The following CIITA variants were observed in gnomAD, a reference collection of about 807,000 sequenced individuals.
The protein encoded by CIITA is MHC class II transactivator.
CIITA carries 72 observed loss-of-function variants against 115.1 expected under a neutral mutation model. The ratio of observed to expected loss-of-function variants is 0.63; its 90% confidence interval spans 0.52 to 0.76. The LOEUF is 0.76. CIITA is among the 30% of genes least tolerant of loss of function. CIITA has a pLI of 0.00. For synonymous variants in CIITA, 763 were observed against 635.6 expected, an observed-to-expected ratio of 1.20 and a Z score of -3.02; for missense variants, 1,617 against 1,463.8, an observed-to-expected ratio of 1.10 and a Z score of -1.71.
At position 10,923,640 on chromosome 16, in the gene CIITA, T is replaced by C. The variant is rs1288627272; in HGVS notation, c.*23-238T>C. On this transcript the variant is annotated intron_variant, in intron 19 of 19. Transcript: ENST00000324288. This position sits in a 1 kb window ranked among gnomAD's most constrained non-coding sequence, Gnocchi z 5.2. The stretch of plus-strand genomic sequence containing the variant: ...AAGCCTTCCCAGCTGCTGTTTCGGC[T>C]TGGTGGCTGCCCTGATGCTCCGGGT... Among the ~76,000 whole-genome samples, 1 of 152,164 alleles carries C rather than the reference T, an allele frequency of 6.6e-6. No homozygotes were observed. The highest frequency in any genetic ancestry group is 2.4e-5 in the African/African-American group (1 of 41,418).
chr16:10,912,312 C>A (rs748721588), intron 13 of CIITA, among the ~76,000 whole-genome samples: 3 of 152,130 alleles, frequency 2.0e-5, no homozygotes, highest in African/African-American at 4.8e-5. Flanking sequence ...CGGGCTTTAA[C>A]CATGTTGGCC....
chr16:10,922,036 G>A, intron 16 of CIITA, 131 bp from the exon 17 acceptor site: 1 of 811,686 alleles, frequency 1.2e-6, no homozygotes, highest in Non-Finnish European at 2.2e-6. Context: ...GCTCTGTTGT[G>A]CAATAAATAT....
intron 7 of CIITA, 114 bp from the exon 8 acceptor site, chr16:10,902,544 C>T: frequency 1.5e-6 from 2 of 1,344,930 alleles, no homozygotes; most frequent in Non-Finnish European, 2.1e-6. Context: ...AGCTACTGCT[C>T]TTAGGGAAAT....
chr16:10,904,010 T>A, intron 9 of CIITA, 115 bp downstream of exon 9: 1 of 1,405,336 alleles, frequency 7.1e-7, no homozygotes, highest in African/African-American at 1.4e-5. Flanking sequence ...ACAGGTCATG[T>A]TTAGGGGTCA....
chr16:10,902,226 G>C, intron 7 of CIITA, 42 bp downstream of exon 7: 4 of 1,612,700 alleles, frequency 2.5e-6, no homozygotes, highest in Non-Finnish European at 3.4e-6. Flanking sequence ...TCTCCCTCTT[G>C]GGAGGTGGAT....
At chr16:10,873,478 G>A (rs1333213587), upstream of CIITA, among the ~76,000 whole-genome samples, 11 of 152,200 alleles carry the variant, frequency 7.2e-5, no homozygotes, top group African/African-American at 9.7e-5. Flanking sequence ...AGCTGGAAGC[G>A]CGATGAAGGT....
In CIITA at chr16:10,920,735, T is replaced by C. The variant is rs182656046; in HGVS notation, c.3150-1432T>C. On this transcript the variant is annotated intron_variant, in intron 16 of 19. Transcript: ENST00000324288. The surrounding 1 kb of genome is among the most constrained non-coding windows in gnomAD (Gnocchi z 4.5). ...TGAAATATGGTCAGATTACTCTCCC[T>C]GTGGGGTGGAGGAAGGGTCTCCAGG... is the stretch of plus-strand genomic sequence containing the variant. 5.6e-4 allele frequency among the ~76,000 whole-genome samples: 85 copies of C among 152,324 alleles called. No homozygotes were observed. The highest frequency in any genetic ancestry group is 1.3e-4 in the Non-Finnish European group (9 of 68,026).
At position 10,907,994 on chromosome 16, in the gene CIITA, T is replaced by G. The variant is rs750196354; in HGVS notation, c.2502T>G (p.Ser834=). 2 of 1,592,802 alleles carry G rather than the reference T, an allele frequency of 1.3e-6. No individual in the cohort carries two copies. The highest frequency in any genetic ancestry group is 2.3e-5 in the South Asian group (2 of 88,666). Residue 834 remains serine (S), a synonymous_variant, in exon 11 of 20, where the codon TCT becomes TCG. Coordinates refer to ENST00000324288, the MANE Select transcript of CIITA (RefSeq NM_000246.4). This position sits in a 1 kb window ranked among gnomAD's most constrained non-coding sequence, Gnocchi z 5.0. Reference sequence around the variant, plus strand: ...TACAGGAGCTCCCCGGCCGCCTCTCTTTTCTGGGCACCCGCCTCACGCCTC... The same window carrying G: ...TACAGGAGCTCCCCGGCCGCCTCTCGTTTCTGGGCACCCGCCTCACGCCTC... The part of the protein sequence containing the change: ...HVVQELPGRL[S]FLGTRLTPPD...
chr16:10,916,412 G>A lies in CIITA; in HGVS notation c.3015G>A (p.Ser1005=), dbSNP rs764664500. ...SENKIGDEGV[S]QLSATFPQLK... ...ACAAGATCGGGGACGAGGGTGTCTC[G>A]CAGCTCTCAGCCACCTTCCCCCAGC... Residue 1005 remains serine, a synonymous_variant, in exon 15 of 20, where the codon TCG becomes TCA. Transcript: ENST00000324288. 7.7e-5 allele frequency: 124 copies of A among 1,613,396 alleles called. No homozygotes were observed. Among genetic ancestry groups the A allele is most frequent in the Non-Finnish European group, 9.7e-5 (115 of 1,179,716 alleles).
chr16:10,902,953 C>T, intron 8 of CIITA, 152 bp downstream of exon 8: 2 of 1,004,130 alleles, frequency 2.0e-6, no homozygotes, highest in Non-Finnish European at 3.0e-6. Context: ...GTCCCTATTT[C>T]CCAAAAATCA....
At position 10,902,685 on chromosome 16, in the gene CIITA, G is replaced by T. The variant is rs2038867259; in HGVS notation, c.656G>T (p.Cys219Phe). ...CCTTTCTCCAGTTCCTCGTTGAGCT[G>T]CCTGAATCTCCCTGAGGGACCCATC... ...PMPFSSSSLS[C>F]LNLPEGPIQF... The change falls in exon 8 of 20, where the codon TGC (cysteine) becomes TTC (phenylalanine). Residue 219 changes from cysteine to phenylalanine, a missense_variant. Transcript: ENST00000324288. 6.2e-7 allele frequency: 1 copy of T among 1,614,116 alleles called. No individual in the cohort carries two copies. The highest frequency in any genetic ancestry group is 8.5e-7 in the Non-Finnish European group (1 of 1,180,064).
chr16:10,869,432 A>T (rs905947680), intron 1 of CIITA, among the ~76,000 whole-genome samples: 10 of 151,830 alleles, frequency 6.6e-5, no homozygotes, highest in African/African-American at 2.4e-4. Context: ...TTTGCACCTT[A>T]TCAATGAAGC....
intron 16 of CIITA, among the ~76,000 whole-genome samples, chr16:10,918,764 G>T (rs556511711): frequency 1.9e-4 from 29 of 152,346 alleles, no homozygotes; most frequent in African/African-American, 7.0e-4. Context: ...GTAAGCACTT[G>T]TCACAATGCC....
Position 10,899,061 on chromosome 16 carries a change from C to T in CIITA, c.436+59C>T, listed in dbSNP as rs969940441. 18 of 1,540,530 alleles carry T rather than the reference C, an allele frequency of 1.2e-5. No individual in the cohort carries two copies. The African/African-American group carries it at 2.5e-4, about 21-fold the overall frequency. On this transcript the variant is annotated intron_variant, in intron 5 of 19. Transcript: ENST00000324288. The stretch of plus-strand genomic sequence containing the variant: ...TGCTTGAGACCTGGCCTTTCCTTGA[C>T]TCCAAAGCCTGCTGTGGGTCCAACT...
At chr16:10,876,125 C>G (rs1267127815), upstream of CIITA, among the ~76,000 whole-genome samples, 1 of 152,084 alleles carries the variant, frequency 6.6e-6, no homozygotes, top group Non-Finnish European at 1.5e-5. Flanking sequence ...CCATTGCACT[C>G]TAGCCTGGCA....
intron 1 of CIITA, among the ~76,000 whole-genome samples, chr16:10,891,034 T>C (rs568909717): frequency 6.6e-6 from 1 of 152,312 alleles, no homozygotes; most frequent in East Asian, 1.9e-4. Flanking sequence ...CCCTTCTCAA[T>C]TTATTTCTCT....
In CIITA at chr16:10,922,553, G is replaced by C. The variant is rs1214069674; in HGVS notation, c.3317+63G>C. ...ACTCCCCAGGCGTGTGGCCCAGTGT[G>C]ACCCCGGAGCTCAAATCATGCTCTT... On this transcript the variant is annotated intron_variant, in intron 18 of 19. Transcript: ENST00000324288. 2.6e-6 allele frequency: 4 copies of C among 1,543,724 alleles called. No homozygotes were observed. In the Admixed American group the frequency reaches 5.1e-5, roughly 20 times the overall value.
chr16:10,880,085 C>A (rs2143592328), intron 1 of CIITA, among the ~76,000 whole-genome samples: 1 of 152,332 alleles, frequency 6.6e-6, no homozygotes. Context: ...GAAAGAGGAG[C>A]CAAAGGAACT....
intron 1 of CIITA, among the ~76,000 whole-genome samples, chr16:10,890,141 T>G (rs1301547502): frequency 6.6e-6 from 1 of 152,078 alleles, no homozygotes; most frequent in Non-Finnish European, 1.5e-5. Context: ...TATTGGGGGC[T>G]TCTGGGAGGG....
Sources: allele counts gnomAD v4.1 joint callset (sites outside exome capture counted in the v4.1 genomes callset), GRCh38; gene constraint gnomAD v4.1.1; non-coding constraint Gnocchi (gnomAD v3.1); transcripts MANE v1.5; gene names NCBI Gene and HGNC (gene_info 2026-07-23, HGNC 2026-07-21).